Variants in DTX1 observed in about 807,000 individuals in gnomAD.
DTX1 encodes the protein E3 ubiquitin-protein ligase DTX1.
A neutral mutation model predicts 57.8 loss-of-function variants in DTX1; 26 were observed. The ratio of observed to expected loss-of-function variants is 0.45; its 90% CI spans 0.33 to 0.62. The LOEUF is 0.62. DTX1 is among the 20% of genes least tolerant of loss of function. DTX1 has a pLI of 0.02. For synonymous variants in DTX1, 398 were observed against 394.1 expected, an observed-to-expected ratio of 1.01 and a Z score of -0.12; for missense variants, 704 against 895.3, an observed-to-expected ratio of 0.79 and a Z score of 2.73.
At chr12:113,059,381 C>T (rs1393657281) in intron 2 of DTX1, among the ~76,000 whole-genome samples, 4 of 151,474 alleles carry the variant, frequency 2.6e-5, no homozygotes, top group Non-Finnish European at 4.4e-5. Context: ...GGCTGGTAGC[C>T]CTGTGTGTGG....
chr12:113,095,768 T>C lies in DTX1; in HGVS notation c.1638+354T>C, dbSNP rs1196163619. On this transcript the variant is annotated intron_variant, in intron 9 of 9. Coordinates refer to ENST00000548759, the MANE Select transcript of DTX1 (RefSeq NM_004416.3). ...GTTGTCTGATTTGACTTTCTGCTTT[T>C]CAAGAGCACCAAGAAATCCAGATTT... 3 of 286,968 alleles carry C rather than the reference T, an allele frequency of 1.0e-5. No homozygotes were observed. In the East Asian group the frequency reaches 2.0e-4, roughly 19 times the overall value. 17.8% of individuals were successfully genotyped at this position (286,968 alleles called of 1,614,324 possible). A position where few individuals can be genotyped will look rare whatever the true frequency, so the allele number is the denominator to read the frequency against.
chr12:113,097,255 A>G lies in DTX1; in HGVS notation c.*316A>G. The G allele has an allele frequency of 3.2e-6, 1 of 310,514 alleles. No homozygotes were observed. The highest frequency in any genetic ancestry group is 6.0e-6 in the Non-Finnish European group (1 of 167,378). 19.2% of individuals were successfully genotyped at this position (310,514 alleles called of 1,614,324 possible). On this transcript the variant is annotated 3_prime_UTR_variant, in exon 10 of 10. Transcript: ENST00000548759. ...CATGCACGCACACCCACGTGCCTGT[A>G]CTTGCCCCCAGGCTGGAAGAGAAGA...
rs1469555942 is a variant in DTX1 at position 113,096,696 on chromosome 12, T to C, written c.1639-19T>C. On this transcript the variant is annotated intron_variant, in intron 9 of 9. Coordinates refer to ENST00000548759, the MANE Select transcript of DTX1 (RefSeq NM_004416.3). ...GCCTGTGACCTCCTCCCGGCCCCAC[T>C]GTGTCCCTGTCCCCCCAGGTGCTGC... 2.1e-5 allele frequency: 34 copies of C among 1,601,472 alleles called. No individual in the cohort carries two copies. Among genetic ancestry groups the C allele is most frequent in the Non-Finnish European group, 2.7e-5 (32 of 1,174,630 alleles).
intron 3 of DTX1, among the ~76,000 whole-genome samples, chr12:113,081,338 T>TA (rs1372416706): frequency 6.6e-6 from 1 of 151,854 alleles, no homozygotes; most frequent in Non-Finnish European, 1.5e-5. Context: ...CCAAAAAAAT[T>TA]AAAAAAAGAG....
chr12:113,093,890 C>A lies in DTX1; in HGVS notation c.1166-148C>A. ...CAGCTAACCTCCAGCAACCCCTGAC[C>A]TCTGACCCTGGCCAACCCTTGCCAG... On this transcript the variant is annotated intron_variant, in intron 5 of 9. Coordinates refer to ENST00000548759, the MANE Select transcript of DTX1 (RefSeq NM_004416.3). This position sits in a 1 kb window ranked among gnomAD's most constrained non-coding sequence, Gnocchi z 4.2. The A allele has an allele frequency of 7.1e-7, 1 of 1,416,388 alleles. No homozygotes were observed. The highest frequency in any genetic ancestry group is 9.7e-7 in the Non-Finnish European group (1 of 1,028,236). 87.7% of individuals were successfully genotyped at this position (1,416,388 alleles called of 1,614,324 possible). A position where few individuals can be genotyped will look rare whatever the true frequency, so the allele number is the denominator to read the frequency against.
intron 3 of DTX1, among the ~76,000 whole-genome samples, chr12:113,082,088 C>A (rs559409610): frequency 5.3e-5 from 8 of 152,124 alleles, no homozygotes; most frequent in Admixed American, 3.9e-4. Flanking sequence ...GCCGCTCCCC[C>A]ACAGCCGACA....
At position 113,093,688 on chromosome 12, in the gene DTX1, C is replaced by T. The variant is rs1463236102; in HGVS notation, c.1153C>T (p.His385Tyr). Reference sequence around the variant, plus strand: ...GGTGTGCCGCAAGACCAAGAAGAAGCACCTTAAAAAGAGTACGCCCTCCAC... The same window carrying T: ...GGTGTGCCGCAAGACCAAGAAGAAGTACCTTAAAAAGAGTACGCCCTCCAC... The part of the protein sequence containing the change: ...PGVCRKTKKK[H>Y]LKKSKNPEDV... The change falls in exon 5 of 10, where the codon CAC (histidine) becomes TAC (tyrosine). Residue 385 changes from histidine to tyrosine, a missense_variant. His to Tyr is a moderately conservative substitution (Grantham distance 83). Around this residue, in one of 3 missense-constraint regions of DTX1, gnomAD observed 299 missense variants for 311.2 expected, o/e 0.96. Coordinates refer to ENST00000548759, the MANE Select transcript of DTX1 (RefSeq NM_004416.3). The surrounding 1 kb of genome is among the most constrained non-coding windows in gnomAD (Gnocchi z 4.2). The T allele has an allele frequency of 6.2e-7, 1 of 1,613,612 alleles. No individual in the cohort carries two copies. Among genetic ancestry groups the T allele is most frequent in the African/African-American group, 1.3e-5 (1 of 74,942 alleles).
intron 2 of DTX1, among the ~76,000 whole-genome samples, chr12:113,061,029 C>G (rs1010787235): frequency 6.6e-6 from 1 of 152,182 alleles, no homozygotes; most frequent in Non-Finnish European, 1.5e-5. Context: ...CCCAGCATCC[C>G]CTTATGTTCC....
chr12:113,078,116 G>A lies in DTX1; in HGVS notation c.941+11G>A. 2.2e-6 allele frequency: 3 copies of A among 1,357,260 alleles called. No homozygotes were observed. The highest frequency in any genetic ancestry group is 1.9e-6 in the Non-Finnish European group (2 of 1,057,790). The allele number at this position is 1,357,260 out of a possible 1,614,324, so 84.1% of individuals were successfully genotyped here. A position where few individuals can be genotyped will look rare whatever the true frequency, so the allele number is the denominator to read the frequency against. On this transcript the variant is annotated intron_variant, in intron 3 of 9. Coordinates refer to ENST00000548759, the MANE Select transcript of DTX1 (RefSeq NM_004416.3). ...CTCCATCCCGCCGGGGTAAGACGGG[G>A]CCCAGGGGGAGGGGGCCTCTGCGTC...
chr12:113,082,757 A>G (rs1032205698), intron 3 of DTX1, among the ~76,000 whole-genome samples: 7 of 152,074 alleles, frequency 4.6e-5, no homozygotes, highest in Non-Finnish European at 1.0e-4. Flanking sequence ...CACCACACCC[A>G]GCTAATTTTT....
At chr12:113,090,240 AG>A (rs1314075779) in intron 3 of DTX1, among the ~76,000 whole-genome samples, 1 of 152,220 alleles carries the variant, frequency 6.6e-6, no homozygotes, top group Non-Finnish European at 1.5e-5. Context: ...AAGAATGGGC[AG>A]GAAAGAGGAA....
Position 113,058,090 on chromosome 12 carries a change from T to C in DTX1, c.-103T>C. 1 of 1,443,254 alleles carries C rather than the reference T, an allele frequency of 6.9e-7. No individual in the cohort carries two copies. Among genetic ancestry groups the C allele is most frequent in the African/African-American group, 1.4e-5 (1 of 69,858 alleles). 89.4% of individuals were successfully genotyped at this position (1,443,254 alleles called of 1,614,324 possible). A position where few individuals can be genotyped will look rare whatever the true frequency, so the allele number is the denominator to read the frequency against. On this transcript the variant is annotated 5_prime_UTR_variant, in exon 2 of 10. Coordinates refer to ENST00000548759, the MANE Select transcript of DTX1 (RefSeq NM_004416.3). ...AGTTAGAAAGGAGGCCAGACGGTCCTTGCTGTCCCCCTGGGGAGAGAGGAA... is the reference window on the plus strand; with the variant it reads ...AGTTAGAAAGGAGGCCAGACGGTCCCTGCTGTCCCCCTGGGGAGAGAGGAA...
In DTX1 at chr12:113,094,771, C is replaced by G; in HGVS notation, c.1228-18C>G. 6.2e-7 allele frequency: 1 copy of G among 1,610,370 alleles called. No individual in the cohort carries two copies. The highest frequency in any genetic ancestry group is 1.1e-5 in the South Asian group (1 of 90,840). On this transcript the variant is annotated intron_variant, in intron 6 of 9. Transcript: ENST00000548759. Reference sequence around the variant, plus strand: ...CCTGCCCTCCCCAGTCCTCAGTCTCCCCTGCTGCCACCTGCAGGACTGCAC... The same window carrying G: ...CCTGCCCTCCCCAGTCCTCAGTCTCGCCTGCTGCCACCTGCAGGACTGCAC...
At chr12:113,063,739 G>A (rs35096714) in intron 2 of DTX1, among the ~76,000 whole-genome samples, 22,267 of 152,226 alleles carry the variant, frequency 0.15, 2,263 homozygotes, top group Middle Eastern at 0.32. Flanking sequence ...TGGAAACCTT[G>A]GGCTTCACTC....
chr12:113,068,041 AAAAT>A (rs941760915), intron 2 of DTX1, among the ~76,000 whole-genome samples: 1 of 152,132 alleles, frequency 6.6e-6, no homozygotes, highest in East Asian at 1.9e-4. Context: ...CCTGTCTCAA[AAAAT>A]AAATAAATAA....
At chr12:113,071,084 A>T (rs957239432) in intron 2 of DTX1, among the ~76,000 whole-genome samples, 3 of 152,118 alleles carry the variant, frequency 2.0e-5, no homozygotes, top group Non-Finnish European at 2.9e-5. Context: ...AGCTCGTTCT[A>T]TCTCTGACTC....
intron 3 of DTX1, among the ~76,000 whole-genome samples, chr12:113,091,765 G>A (rs772758951): frequency 2.6e-5 from 4 of 152,182 alleles, no homozygotes; most frequent in African/African-American, 7.2e-5. Flanking sequence ...GAACAGGCAC[G>A]GCCAGAGCCA....
chr12:113,093,868 C>G lies in DTX1; in HGVS notation c.1165+168C>G, dbSNP rs1426411518. ...CATCTTTCACCAGCTCCTGTTACAG[C>G]TAACCTCCAGCAACCCCTGACCTCT... On this transcript the variant is annotated intron_variant, in intron 5 of 9. Transcript: ENST00000548759. This position sits in a 1 kb window ranked among gnomAD's most constrained non-coding sequence, Gnocchi z 4.2. Among the ~76,000 whole-genome samples, 1 of 152,082 alleles carries G rather than the reference C, an allele frequency of 6.6e-6. No homozygotes were observed. The highest frequency in any genetic ancestry group is 1.5e-5 in the Non-Finnish European group (1 of 68,010).
Position 113,056,923 on chromosome 12 carries a change from G to A in DTX1, c.-766G>A, listed in dbSNP as rs2044627603. 6.5e-6 allele frequency: 1 copy of A among 152,832 alleles called. No individual in the cohort carries two copies. Among genetic ancestry groups the A allele is most frequent in the Admixed American group, 6.5e-5 (1 of 15,288 alleles). The allele number at this position is 152,832 out of a possible 1,614,324, so 9.5% of individuals were successfully genotyped here. On this transcript the variant is annotated 5_prime_UTR_variant, in exon 1 of 10. Transcript: ENST00000548759. ...GGTGCTGGAGCGCGAGCCGGAGCCG[G>A]AGCCGGAGACGAAGAGAGGCGGTGA... is the stretch of plus-strand genomic sequence containing the variant.
Sources: gnomAD v4.1 joint callset for allele counts (sites outside exome capture counted in the v4.1 genomes callset) on GRCh38, gnomAD v4.1.1 for gene constraint, gnomAD v4.1.1 regional missense constraint, Gnocchi (gnomAD v3.1) non-coding constraint, MANE v1.5 for transcripts, NCBI Gene and HGNC (gene_info 2026-07-23, HGNC 2026-07-21) for gene names.